Variants in BICD1 observed in about 807,000 individuals in gnomAD.
BICD1 encodes the protein protein bicaudal D homolog 1.
A neutral mutation model predicts 92.5 loss-of-function variants in BICD1; 35 were observed. The ratio of observed to expected loss-of-function variants is 0.38; its 90% confidence interval spans 0.29 to 0.50. The LOEUF (loss-of-function observed/expected upper bound fraction) is 0.50. Among genes scored for constraint, BICD1 ranks in the 20% least tolerant of loss-of-function variants. BICD1 has a pLI of 0.93. For synonymous variants in BICD1, 429 were observed against 465.1 expected (o/e 0.92, Z 1.00); for missense variants, 950 against 1,189.8 (o/e 0.80, Z 2.97).
rs745628029 is a variant in BICD1, at chr12:32,337,647, C to T, written c.2401C>T (p.His801Tyr). The change falls in exon 7 of 10, where the codon CAT becomes TAT. Residue 801 changes from histidine (H) to tyrosine (Y), a missense_variant. By Grantham distance (83) the His-to-Tyr change is moderately conservative. Coordinates refer to ENST00000652176, the MANE Select transcript of BICD1 (RefSeq NM_001714.4). This position sits in a 1 kb window ranked among gnomAD's most constrained non-coding sequence, Gnocchi z 4.7. ...GAGGCTGGAGGACTTAGAGTTTGACCATGAGCAGTCCCGACGCAGCAAAGG... is the reference window on the plus strand; with the variant it reads ...GAGGCTGGAGGACTTAGAGTTTGACTATGAGCAGTCCCGACGCAGCAAAGG... ...TQRLEDLEFDHEQSRRSKGKL... is the reference protein window; with the variant it reads ...TQRLEDLEFDYEQSRRSKGKL... The T allele has an allele frequency of 1.2e-6, 2 of 1,614,130 alleles. No homozygotes were observed. The highest frequency in any genetic ancestry group is 1.6e-4 in the Middle Eastern group (1 of 6,062).
chr12:32,255,444 T>C (rs190004686), intron 2 of BICD1, among the ~76,000 whole-genome samples: 436 of 152,324 alleles, frequency 2.9e-3, no homozygotes, highest in African/African-American at 9.5e-3. Flanking sequence ...ATCTTACCTC[T>C]TAAGGTAGTA....
intron 1 of BICD1, among the ~76,000 whole-genome samples, chr12:32,192,305 G>A (rs541919539): frequency 7.5e-4 from 113 of 151,326 alleles, no homozygotes; most frequent in Middle Eastern, 3.4e-3. Context: ...ATGGTGGCAC[G>A]TGCCTGTAGT....
At chr12:32,162,334 C>G (rs1943622959) in intron 1 of BICD1, among the ~76,000 whole-genome samples, 1 of 152,178 alleles carries the variant, frequency 6.6e-6, no homozygotes, top group South Asian at 2.1e-4. Flanking sequence ...TTAAAGCTTA[C>G]ATTCCATTAA....
intron 1 of BICD1, among the ~76,000 whole-genome samples, chr12:32,114,256 C>T (rs1941809337): frequency 1.3e-5 from 2 of 152,204 alleles, no homozygotes; most frequent in African/African-American, 2.4e-5. Flanking sequence ...GATCTGCCTG[C>T]CTTGCCCTCG....
At chr12:32,110,035 A>G (rs1941628663) in intron 1 of BICD1, among the ~76,000 whole-genome samples, 1 of 152,254 alleles carries the variant, frequency 6.6e-6, no homozygotes, top group South Asian at 2.1e-4. Flanking sequence ...AATATGATTT[A>G]TTTAAAAATA....
At chr12:32,300,594 G>C (rs1324681388) in intron 3 of BICD1, among the ~76,000 whole-genome samples, 3 of 143,862 alleles carry the variant, frequency 2.1e-5, no homozygotes, top group Non-Finnish European at 4.6e-5. Context: ...TCCAGGGAAA[G>C]AAAAGGAAAG....
At chr12:32,125,690 A>G (rs1482059747) in intron 1 of BICD1, among the ~76,000 whole-genome samples, 1 of 152,156 alleles carries the variant, frequency 6.6e-6, no homozygotes, top group African/African-American at 2.4e-5. Flanking sequence ...GAATGAGTCG[A>G]CTACTTGGTA....
At chr12:32,376,887 G>A (rs1374297570) in intron 9 of BICD1, among the ~76,000 whole-genome samples, 4 of 126,992 alleles carry the variant, frequency 3.1e-5, no homozygotes, top group Admixed American at 8.3e-5. Context: ...GGGGGGGGGG[G>A]GTGAAATATA....
At chr12:32,133,681 G>T (rs1260620341) in intron 1 of BICD1, among the ~76,000 whole-genome samples, 1 of 151,830 alleles carries the variant, frequency 6.6e-6, no homozygotes, top group Non-Finnish European at 1.5e-5. Context: ...AAGCTAAACT[G>T]TTAAGTCATT....
chr12:32,240,345 G>T (rs1257655026), intron 2 of BICD1, among the ~76,000 whole-genome samples: 1 of 151,012 alleles, frequency 6.6e-6, no homozygotes, highest in Non-Finnish European at 1.5e-5. Context: ...AAGGTGTAGG[G>T]CCATACCCCC....
intron 1 of BICD1, among the ~76,000 whole-genome samples, chr12:32,157,292 T>C (rs1400841662): frequency 6.6e-6 from 1 of 152,228 alleles, no homozygotes; most frequent in African/African-American, 2.4e-5. Context: ...ATGCATGTCT[T>C]TTAATACTAC....
At chr12:32,290,884 T>A (rs1451197493) in intron 2 of BICD1, among the ~76,000 whole-genome samples, 1 of 152,218 alleles carries the variant, frequency 6.6e-6, no homozygotes, top group Non-Finnish European at 1.5e-5. Flanking sequence ...TGGTTTTGAA[T>A]GAAGTCTTCC....
chr12:32,339,994 C>G, intron 8 of BICD1: 6 of 860,424 alleles, frequency 7.0e-6, no homozygotes, highest in Non-Finnish European at 8.4e-6. Flanking sequence ...GCCACAGTCA[C>G]CACTCCTCCT....
chr12:32,281,330 C>A (rs1947407228), intron 2 of BICD1, among the ~76,000 whole-genome samples: 1 of 152,170 alleles, frequency 6.6e-6, no homozygotes, highest in Admixed American at 6.5e-5. Context: ...TTACATGGTG[C>A]TCTGAATACC....
intron 2 of BICD1, among the ~76,000 whole-genome samples, chr12:32,274,376 C>T (rs1046878415): frequency 2.6e-5 from 4 of 152,142 alleles, no homozygotes; most frequent in African/African-American, 9.7e-5. Flanking sequence ...ATTCTGGAAA[C>T]ACATTTTGAT....
intron 8 of BICD1, among the ~76,000 whole-genome samples, chr12:32,342,184 ATATATATATGTGTGTGTGTG>A (rs1938399828): frequency 1.6e-5 from 2 of 123,882 alleles, no homozygotes; most frequent in South Asian, 2.7e-4. Flanking sequence ...ATATGTGTGT[ATATATATATGTGTGTGTGTG>A]TATATATATA....
chr12:32,346,576 A>G (rs1178818880), intron 8 of BICD1, among the ~76,000 whole-genome samples: 4 of 38,308 alleles, frequency 1.0e-4, no homozygotes, highest in Admixed American at 4.1e-4. Flanking sequence ...ATATATATAT[A>G]TATATACGTG....
chr12:32,153,691 G>A (rs1943354780), intron 1 of BICD1, among the ~76,000 whole-genome samples: 4 of 152,024 alleles, frequency 2.6e-5, no homozygotes, highest in South Asian at 4.1e-4. Context: ...GGGAGGCAGA[G>A]GTTGCAGTGA....
chr12:32,267,215 C>T (rs1947021169), intron 2 of BICD1, among the ~76,000 whole-genome samples: 1 of 152,226 alleles, frequency 6.6e-6, no homozygotes, highest in Admixed American at 6.5e-5. Flanking sequence ...GACATCTTAT[C>T]CCTAGCCTTT....
Sources: allele counts gnomAD v4.1 joint callset (sites outside exome capture counted in the v4.1 genomes callset), GRCh38; gene constraint gnomAD v4.1.1; non-coding constraint Gnocchi (gnomAD v3.1); transcripts MANE v1.5; gene names NCBI Gene and HGNC (gene_info 2026-07-23, HGNC 2026-07-21).